The following CHRM2 variants were observed in gnomAD, a reference collection of about 807,000 sequenced individuals.
The protein encoded by CHRM2 is muscarinic acetylcholine receptor M2.
CHRM2 carries 8 observed loss-of-function variants against 25.0 expected under a neutral mutation model. The observed-to-expected ratio is 0.32, with a 90% CI of 0.19 to 0.58. The LOEUF (loss-of-function observed/expected upper bound fraction) is 0.58, where lower values mean the gene tolerates loss of function less well. Ranked by LOEUF, CHRM2 falls within the 20% of genes least tolerant of loss-of-function variation. The pLI is 0.88. For missense variants in CHRM2, 440 were observed against 567.1 expected (o/e 0.78, Z 2.28); for synonymous variants, 202 against 205.7 (o/e 0.98, Z 0.15).
chr7:137,001,252 A>G (rs1804016207), intron 3 of CHRM2, among the ~76,000 whole-genome samples: 1 of 152,098 alleles, frequency 6.6e-6, no homozygotes, highest in Non-Finnish European at 1.5e-5. Context: ...TTACTAGTTT[A>G]GCACTTGTTT....
rs533468898 is a variant in CHRM2 at position 136,890,145 on chromosome 7, T to C, written c.-125+20727T>C. 2.0e-5 allele frequency among the ~76,000 whole-genome samples: 3 copies of C among 152,334 alleles called. No individual in the cohort carries two copies. In the East Asian group the frequency reaches 5.8e-4, roughly 29 times the overall value. On this transcript the variant is annotated intron_variant, in intron 2 of 3. Transcript: ENST00000680005. ...CTGCTTCAAAACTGAGACAATACATTTCTAATCTTGGGAAGAGTTAAGAAA... is the reference window on the plus strand; with the variant it reads ...CTGCTTCAAAACTGAGACAATACATCTCTAATCTTGGGAAGAGTTAAGAAA...
intron 2 of CHRM2, among the ~76,000 whole-genome samples, chr7:136,984,791 C>A (rs921319596): frequency 1.4e-4 from 21 of 151,830 alleles, no homozygotes; most frequent in Admixed American, 3.9e-4. Context: ...GTCTAACAAT[C>A]TCAATGAAAT....
chr7:136,949,734 A>T (rs1800286686), intron 2 of CHRM2, among the ~76,000 whole-genome samples: 1 of 98,160 alleles, frequency 1.0e-5, no homozygotes, highest in Non-Finnish European at 1.9e-5. Context: ...TTTTTAAAAC[A>T]GTATTTGATT....
In CHRM2 at chr7:137,014,852, T is replaced by G; in HGVS notation, c.-14T>G. 1 of 1,611,712 alleles carries G rather than the reference T, an allele frequency of 6.2e-7. No individual in the cohort carries two copies. The highest frequency in any genetic ancestry group is 8.5e-7 in the Non-Finnish European group (1 of 1,178,382). ...TGTTTATTTGCTACTTGGCTACTGA[T>G]TAGAGAACGCAAAATGAATAACTCA... On this transcript the variant is annotated 5_prime_UTR_variant, in exon 4 of 4. Transcript: ENST00000680005.
chr7:136,916,586 C>T (rs536113552), intron 2 of CHRM2, among the ~76,000 whole-genome samples: 1 of 151,120 alleles, frequency 6.6e-6, no homozygotes, highest in Non-Finnish European at 1.5e-5. Context: ...TTATATTGTC[C>T]TCCTCACATG....
chr7:136,905,238 TTTGAG>T (rs1286628183), intron 2 of CHRM2, among the ~76,000 whole-genome samples: 1 of 151,826 alleles, frequency 6.6e-6, no homozygotes, highest in Non-Finnish European at 1.5e-5. Context: ...CTTTTCAGTT[TTTGAG>T]TTGTTTGGAT....
At position 137,015,310 on chromosome 7, in the gene CHRM2, G is replaced by A; in HGVS notation, c.445G>A (p.Val149Ile). The change falls in exon 4 of 4, where the codon GTC (valine) becomes ATC (isoleucine). Residue 149 changes from valine (V) to isoleucine (I), a missense_variant. By Grantham distance (29) the Val-to-Ile change is conservative (BLOSUM62 3). Transcript: ENST00000680005. The surrounding 1 kb of genome is among the most constrained non-coding windows in gnomAD (Gnocchi z 5.1). The stretch of plus-strand genomic sequence containing the variant: ...AGGTATGATGATTGCAGCTGCCTGG[G>A]TCCTCTCTTTCATCCTCTGGGCTCC... ...MAGMMIAAAW[V>I]LSFILWAPAI... 2 of 1,613,304 alleles carry A rather than the reference G, an allele frequency of 1.2e-6. No homozygotes were observed. Among genetic ancestry groups the A allele is most frequent in the Non-Finnish European group, 1.7e-6 (2 of 1,179,644 alleles).
intron 2 of CHRM2, among the ~76,000 whole-genome samples, chr7:136,896,504 T>C (rs937441244): frequency 3.3e-5 from 5 of 152,154 alleles, no homozygotes; most frequent in Non-Finnish European, 7.4e-5. Context: ...TGTAAGCCCA[T>C]TCAACCCAGA....
chr7:136,874,748 AAT>A (rs1268915674), intron 2 of CHRM2, among the ~76,000 whole-genome samples: 1 of 152,026 alleles, frequency 6.6e-6, no homozygotes, highest in Non-Finnish European at 1.5e-5. Context: ...ACTTTGAATT[AAT>A]ATGTTTTTAA....
At chr7:136,909,837 G>A (rs1797745264) in intron 2 of CHRM2, among the ~76,000 whole-genome samples, 1 of 151,794 alleles carries the variant, frequency 6.6e-6, no homozygotes, top group South Asian at 2.1e-4. Context: ...ATTTGTAGCA[G>A]ACCACTTTTT....
chr7:136,888,489 T>C (rs1796558883), intron 2 of CHRM2, among the ~76,000 whole-genome samples: 1 of 152,094 alleles, frequency 6.6e-6, no homozygotes. Context: ...CATATGTGAA[T>C]AGGAATAACA....
chr7:136,889,851 G>T (rs957933971), intron 2 of CHRM2, among the ~76,000 whole-genome samples: 2 of 152,106 alleles, frequency 1.3e-5, no homozygotes, highest in East Asian at 3.9e-4. Flanking sequence ...TTAAAATTAT[G>T]TTTAAATTCG....
chr7:136,927,165 T>A (rs574076616), intron 2 of CHRM2, among the ~76,000 whole-genome samples: 14 of 152,322 alleles, frequency 9.2e-5, no homozygotes, highest in Admixed American at 7.2e-4. Flanking sequence ...AGCACCTACA[T>A]ACACAGTAAG....
At position 136,876,645 on chromosome 7, in the gene CHRM2, A is replaced by T. The variant is rs185286160; in HGVS notation, c.-125+7227A>T. Among the ~76,000 whole-genome samples, 49 of 152,156 alleles carry T rather than the reference A, an allele frequency of 3.2e-4. 1 individual carries two copies. In the East Asian group the frequency reaches 8.5e-3, roughly 26 times the overall value. Reference sequence around the variant, plus strand: ...GACAATGAGTAACAGCAACAATAAAACTGAGGATCTACATTTTTAAGATTA... The same window carrying T: ...GACAATGAGTAACAGCAACAATAAATCTGAGGATCTACATTTTTAAGATTA... On this transcript the variant is annotated intron_variant, in intron 2 of 3. Transcript: ENST00000680005.
At chr7:136,910,695 G>C (rs1018685038) in intron 2 of CHRM2, among the ~76,000 whole-genome samples, 5 of 151,802 alleles carry the variant, frequency 3.3e-5, no homozygotes, top group Admixed American at 3.3e-4. Context: ...ACTGAAATCT[G>C]GCTTTTTAAA....
intron 2 of CHRM2, among the ~76,000 whole-genome samples, chr7:136,900,717 A>T (rs1463039172): frequency 4.6e-5 from 7 of 150,772 alleles, no homozygotes; most frequent in South Asian, 4.2e-4. Context: ...TCTTTTTTTT[A>T]AAAAAAGAAT....
At chr7:136,923,141 A>C in intron 2 of CHRM2, among the ~76,000 whole-genome samples, 1 of 152,280 alleles carries the variant, frequency 6.6e-6, no homozygotes, top group South Asian at 2.1e-4. Context: ...GATTTTATGG[A>C]AGATATTTTC....
chr7:136,936,287 CT>C (rs887772515), intron 2 of CHRM2, among the ~76,000 whole-genome samples: 7 of 152,080 alleles, frequency 4.6e-5, no homozygotes, highest in Admixed American at 4.6e-4. Context: ...CTCTGATATA[CT>C]TTAGATTAAA....
Position 136,933,772 on chromosome 7 carries a change from T to A in CHRM2, c.-124-58415T>A, listed in dbSNP as rs140361828. 5.5e-3 allele frequency among the ~76,000 whole-genome samples: 844 copies of A among 152,304 alleles called. 5 individuals carry two copies. Among genetic ancestry groups the A allele is most frequent in the African/African-American group, 0.019 (802 of 41,564 alleles). On this transcript the variant is annotated intron_variant, in intron 2 of 3. Transcript: ENST00000680005. The stretch of plus-strand genomic sequence containing the variant: ...ATACAGCACTTATATATGAGGTAAT[T>A]CTTGACAACAGTAGTCTAGGTGAAA...
Sources: gnomAD v4.1 joint callset for allele counts (sites outside exome capture counted in the v4.1 genomes callset) on GRCh38, gnomAD v4.1.1 for gene constraint, Gnocchi (gnomAD v3.1) non-coding constraint, MANE v1.5 for transcripts, NCBI Gene and HGNC (gene_info 2026-07-23, HGNC 2026-07-21) for gene names.